The following RBFOX1 variants were observed in gnomAD, a reference collection of about 807,000 sequenced individuals.
RBFOX1 encodes RNA binding fox-1 homolog 1, also known as RNA binding protein fox-1 homolog 1.
In RBFOX1, 8 loss-of-function variants were observed where a neutral mutation model predicts 57.7. The ratio of observed to expected loss-of-function variants is 0.14; its 90% CI spans 0.08 to 0.25. The LOEUF (loss-of-function observed/expected upper bound fraction) is 0.25. RBFOX1 is among the 10% of genes least tolerant of loss of function. The pLI, the probability that RBFOX1 is intolerant of heterozygous loss-of-function variation, is 1.00. For missense variants in RBFOX1, 611 were observed against 548.5 expected (o/e 1.11, Z -1.14); for synonymous variants, 326 against 222.4 (o/e 1.47, Z -4.15).
At chr16:6,936,883 C>T (rs1035806032) in intron 3 of RBFOX1, among the ~76,000 whole-genome samples, 118 of 140,952 alleles carry the variant, frequency 8.4e-4, no homozygotes, top group African/African-American at 2.8e-3. Context: ...TTTTAAGATC[C>T]ATCAGCCAGA....
chr16:7,383,204 G>A (rs1597053869), intron 4 of RBFOX1, among the ~76,000 whole-genome samples: 1 of 151,492 alleles, frequency 6.6e-6, no homozygotes, highest in African/African-American at 2.4e-5. Context: ...CTCATGGCAT[G>A]CCTGTATCAA....
chr16:6,142,189 C>CA (rs71142685), intron 1 of RBFOX1, among the ~76,000 whole-genome samples: 8,529 of 49,012 alleles, frequency 0.17, 1,449 homozygotes, highest in Non-Finnish European at 0.18. Context: ...GCTGCTGCTG[C>CA]AAAAAAAAAA....
At position 6,097,385 on chromosome 16, in the gene RBFOX1, A is replaced by T. The variant is rs746723514; in HGVS notation, c.-127+77393A>T. The stretch of plus-strand genomic sequence containing the variant: ...CAAGCCGCCACTCTAGAGAAGTACC[A>T]CTCAAACCATGGTCTGCAGACTACC... On this transcript the variant is annotated intron_variant, in intron 1 of 15. Coordinates refer to ENST00000550418, the MANE Select transcript of RBFOX1 (RefSeq NM_018723.4). The surrounding 1 kb of genome is among the most constrained non-coding windows in gnomAD (Gnocchi z 5.0). Among the ~76,000 whole-genome samples the T allele has an allele frequency of 6.6e-6, 1 of 151,956 alleles. No individual in the cohort carries two copies. Among genetic ancestry groups the T allele is most frequent in the South Asian group, 2.1e-4 (1 of 4,816 alleles).
At chr16:5,677,497 C>T (rs188959855) in intron 3 of RBFOX1, among the ~76,000 whole-genome samples, 2 of 152,300 alleles carry the variant, frequency 1.3e-5, no homozygotes, top group African/African-American at 4.8e-5. Flanking sequence ...AGACTGCCTA[C>T]GACTCGCCTG....
chr16:7,303,852 C>A (rs2096096123), intron 4 of RBFOX1, among the ~76,000 whole-genome samples: 1 of 151,390 alleles, frequency 6.6e-6, no homozygotes, highest in South Asian at 2.1e-4. Context: ...CTCTCCCTCC[C>A]TCCCTCCCTC....
At position 5,563,700 on chromosome 16, in the gene RBFOX1, T is replaced by G. The variant is rs117116901; in HGVS notation, c.259-35202T>G. On this transcript the variant is annotated intron_variant, in intron 2 of 2. Coordinates refer to the RBFOX1 transcript ENST00000585867. The stretch of plus-strand genomic sequence containing the variant: ...TTATTGATATATAATTCATATGATA[T>G]ACAATTCCTCCATTTAAGGTGTACA... Among the ~76,000 whole-genome samples the G allele has an allele frequency of 8.9e-3, 1,363 of 152,330 alleles. 11 individuals are homozygous for G. Among genetic ancestry groups the G allele is most frequent in the Non-Finnish European group, 0.015 (1,029 of 68,030 alleles).
At position 5,351,065 on chromosome 16, in the gene RBFOX1, G is replaced by C. The variant is rs556643240; in HGVS notation, c.219+110960G>C. Among the ~76,000 whole-genome samples, 106 of 152,154 alleles carry C rather than the reference G, an allele frequency of 7.0e-4. 1 individual carries two copies. Among genetic ancestry groups the C allele is most frequent in the Non-Finnish European group, 2.2e-4 (15 of 68,038 alleles). ...GCAAAAGCCGTGAACCAGGTATTGC[G>C]CTGGTGGAAGCAGGTTGACCCCGGA... On this transcript the variant is annotated intron_variant, in intron 1 of 2. Transcript: ENST00000585867.
chr16:6,230,718 C>G (rs951957707), intron 1 of RBFOX1, among the ~76,000 whole-genome samples: 1 of 152,118 alleles, frequency 6.6e-6, no homozygotes, highest in African/African-American at 2.4e-5. Flanking sequence ...ATATCTTATG[C>G]GGATAGCTTA....
intron 2 of RBFOX1, among the ~76,000 whole-genome samples, chr16:6,445,917 C>G (rs115009700): frequency 0.022 from 3,411 of 152,044 alleles, 109 homozygotes; most frequent in African/African-American, 0.072. Context: ...TCATTTGATT[C>G]AGCATCCCTG....
At chr16:5,474,685 TA>T (rs2069260674) in intron 2 of RBFOX1, among the ~76,000 whole-genome samples, 1 of 152,134 alleles carries the variant, frequency 6.6e-6, no homozygotes, top group Admixed American at 6.6e-5. Flanking sequence ...CGGACATTTG[TA>T]AAGGTGTTCT....
intron 3 of RBFOX1, among the ~76,000 whole-genome samples, chr16:6,941,750 A>C (rs989959204): frequency 6.6e-6 from 1 of 152,192 alleles, no homozygotes; most frequent in South Asian, 2.1e-4. Flanking sequence ...TGTGGTAACT[A>C]TACCAAGCAA....
intron 3 of RBFOX1, among the ~76,000 whole-genome samples, chr16:6,830,665 C>T (rs1005252131): frequency 1.3e-5 from 2 of 152,154 alleles, no homozygotes; most frequent in Non-Finnish European, 2.9e-5. Flanking sequence ...ACAAAGACTT[C>T]CCCAAGCCAA....
chr16:6,324,090 G>C (rs537520708), intron 2 of RBFOX1, among the ~76,000 whole-genome samples: 1 of 152,070 alleles, frequency 6.6e-6, no homozygotes, highest in Non-Finnish European at 1.5e-5. Flanking sequence ...AGCTTTTAGC[G>C]TAACCATCAC....
At chr16:7,210,216 A>G (rs13335472) in intron 4 of RBFOX1, among the ~76,000 whole-genome samples, 7,559 of 152,254 alleles carry the variant, frequency 0.05, 591 homozygotes, top group African/African-American at 0.17. Context: ...GGATACTTCT[A>G]TAGGTTAAGA....
intron 3 of RBFOX1, chr16:6,774,138 C>A (rs191853438): frequency 2.1e-4 from 87 of 419,840 alleles, no homozygotes; most frequent in Admixed American, 1.2e-3. Context: ...GGAACAAAGA[C>A]CGGCACTCTG....
chr16:6,773,210 A>T (rs1028173632), intron 3 of RBFOX1, among the ~76,000 whole-genome samples: 2,217 of 22,576 alleles, frequency 0.098, no homozygotes, highest in Non-Finnish European at 0.11. Flanking sequence ...TTTGTGTGTG[A>T]GTGTATGTGT....
chr16:6,709,210 C>G (rs2063316440), intron 3 of RBFOX1, among the ~76,000 whole-genome samples: 1 of 152,080 alleles, frequency 6.6e-6, no homozygotes, highest in South Asian at 2.1e-4. Flanking sequence ...AAAGGTTGCA[C>G]AAGTATAAAC....
In RBFOX1 at chr16:5,764,249, T is replaced by C. The variant is rs139380936; in HGVS notation, c.319-103054T>C. Among the ~76,000 whole-genome samples the C allele has an allele frequency of 4.2e-3, 642 of 152,274 alleles. 6 individuals are homozygous for C. Among genetic ancestry groups the C allele is most frequent in the African/African-American group, 0.015 (604 of 41,556 alleles). ...ATGGTTAGATGGGCTGTTCTTAAGTTATTAATAGTCCTGGAATACCAGGAA... is the reference window on the plus strand; with the variant it reads ...ATGGTTAGATGGGCTGTTCTTAAGTCATTAATAGTCCTGGAATACCAGGAA... On this transcript the variant is annotated intron_variant, in intron 3 of 19. Transcript: ENST00000641259.
chr16:6,447,515 G>T (rs1322491361), intron 2 of RBFOX1, among the ~76,000 whole-genome samples: 1 of 152,184 alleles, frequency 6.6e-6, no homozygotes, highest in Non-Finnish European at 1.5e-5. Flanking sequence ...GCTTAGAGTA[G>T]CCAGGATGCT....
Sources: allele counts gnomAD v4.1 joint callset (sites outside exome capture counted in the v4.1 genomes callset), GRCh38; gene constraint gnomAD v4.1.1; non-coding constraint Gnocchi (gnomAD v3.1); transcripts MANE v1.5; gene names NCBI Gene and HGNC (gene_info 2026-07-23, HGNC 2026-07-21).